BARHL1: variants seen among roughly 807,000 people sequenced by gnomAD.
The protein encoded by BARHL1 is BarH like homeobox 1, also known as barH-like 1 homeobox protein.
A neutral mutation model predicts 20.1 loss-of-function variants in BARHL1; 2 were observed. The ratio of observed to expected loss-of-function variants is 0.10; its 90% CI spans 0.04 to 0.31. BARHL1 has a LOEUF of 0.31. BARHL1 is among the 10% of genes least tolerant of loss of function. The pLI, the probability that BARHL1 is intolerant of heterozygous loss-of-function variation, is 1.00. For synonymous variants in BARHL1, 213 were observed against 209.9 expected, an observed-to-expected ratio of 1.01 and a Z score of -0.13; for missense variants, 397 against 454.0, an observed-to-expected ratio of 0.87 and a Z score of 1.14.
Position 132,583,024 on chromosome 9 carries a change from C to T in BARHL1, c.227C>T (p.Ser76Phe). 6.2e-7 allele frequency: 1 copy of T among 1,613,820 alleles called. No individual in the cohort carries two copies. Among genetic ancestry groups the T allele is most frequent in the Non-Finnish European group, 8.5e-7 (1 of 1,179,946 alleles). Residue 76 changes from serine (S) to phenylalanine (F), a missense_variant, in exon 1 of 3, where the codon TCC becomes TTC. Physicochemically the swap from Ser to Phe is radical, Grantham distance 155 (BLOSUM62 -2). Around this residue, in one of 3 missense-constraint regions of BARHL1, gnomAD observed 272 missense variants for 298.7 expected, o/e 0.91. Transcript: ENST00000263610. ...GGGGCATCCGGCCCAGGTTTGGACT[C>T]CCACCTGCAGCCCGGGCAGCTCTCA... ...PGGASGPGLD[S>F]HLQPGQLSAP...
At position 132,583,061 on chromosome 9, in the gene BARHL1, G is replaced by C; in HGVS notation, c.264G>C (p.Gln88His). 1 of 1,613,910 alleles carries C rather than the reference G, an allele frequency of 6.2e-7. No individual in the cohort carries two copies. The highest frequency in any genetic ancestry group is 1.7e-5 in the Admixed American group (1 of 60,032). The change falls in exon 1 of 3, where the codon CAG becomes CAC. Residue 88 changes from glutamine (Q) to histidine (H), a missense_variant. Coordinates refer to ENST00000263610, the MANE Select transcript of BARHL1 (RefSeq NM_020064.4). ...CCGGGCAGCTCTCAGCCCCGGCCCA[G>C]TCGCGCACCGTCACCTCCTCCTTTC... is the stretch of plus-strand genomic sequence containing the variant. Reference protein sequence around the residue: ...LQPGQLSAPAQSRTVTSSFLI... With the variant: ...LQPGQLSAPAHSRTVTSSFLI...
At chr9:132,586,979 A>C (rs1326485982) in intron 1 of BARHL1, among the ~76,000 whole-genome samples, 1 of 152,240 alleles carries the variant, frequency 6.6e-6, no homozygotes, top group Admixed American at 6.5e-5. Flanking sequence ...CTACGCTGGC[A>C]GGCTGGGTCC....
chr9:132,590,106 C>T lies in BARHL1; in HGVS notation c.*584C>T, dbSNP rs1194837612. ...TTAGTGAGTCTGTGGCCTGTGCCCT[C>T]CCCACTCCCAGGCGGGGCAGGAAGG... On this transcript the variant is annotated 3_prime_UTR_variant, in exon 3 of 3. Transcript: ENST00000263610. 1 of 152,962 alleles carries T rather than the reference C, an allele frequency of 6.5e-6. No homozygotes were observed. Among genetic ancestry groups the T allele is most frequent in the African/African-American group, 2.4e-5 (1 of 41,474 alleles). 9.5% of individuals were successfully genotyped at this position (152,962 alleles called of 1,614,324 possible). A position where few individuals can be genotyped will look rare whatever the true frequency, so the allele number is the denominator to read the frequency against.
In BARHL1 at chr9:132,582,981, G is replaced by A; in HGVS notation, c.184G>A (p.Gly62Arg). 2 of 1,613,844 alleles carry A rather than the reference G, an allele frequency of 1.2e-6. No individual in the cohort carries two copies. Among genetic ancestry groups the A allele is most frequent in the South Asian group, 2.2e-5 (2 of 91,082 alleles). The part of the protein sequence containing the change: ...ASPGRDCLET[G>R]TPRPGGASGP... Reference sequence around the variant, plus strand: ...TCCAGGAAGGGACTGTTTGGAGACGGGGACCCCACGGCCTGGCGGGGCATC... The same window carrying A: ...TCCAGGAAGGGACTGTTTGGAGACGAGGACCCCACGGCCTGGCGGGGCATC... Residue 62 changes from glycine (G) to arginine (R), a missense_variant, in exon 1 of 3, where the codon GGG becomes AGG. This residue lies in a region of BARHL1 where 272 missense variants were observed against 298.7 expected (regional missense o/e 0.91). Coordinates refer to ENST00000263610, the MANE Select transcript of BARHL1 (RefSeq NM_020064.4).
At position 132,589,255 on chromosome 9, in the gene BARHL1, C is replaced by T. The variant is rs111570450; in HGVS notation, c.717C>T (p.Val239=). Residue 239 remains valine (V), a synonymous_variant, in exon 3 of 3, where the codon GTC becomes GTT. Coordinates refer to ENST00000263610, the MANE Select transcript of BARHL1 (RefSeq NM_020064.4). ...CTAAATGGAAGCGACAGACGGCCGT[C>T]GGGTTGGAGCTGCTGGCGGAGGCAG... ...RRTKWKRQTA[V]GLELLAEAGN... The T allele has an allele frequency of 6.2e-7, 1 of 1,612,084 alleles. No homozygotes were observed. Among genetic ancestry groups the T allele is most frequent in the African/African-American group, 1.3e-5 (1 of 74,894 alleles).
intron 2 of BARHL1, among the ~76,000 whole-genome samples, chr9:132,588,267 C>T (rs779205938): frequency 5.3e-5 from 8 of 152,202 alleles, no homozygotes; most frequent in Non-Finnish European, 8.8e-5. Flanking sequence ...ATCAATACAA[C>T]TTGCAGTCAC....
At position 132,583,186 on chromosome 9, in the gene BARHL1, C is replaced by A. The variant is rs767294868; in HGVS notation, c.389C>A (p.Ala130Glu). 3 of 1,613,384 alleles carry A rather than the reference C, an allele frequency of 1.9e-6. No homozygotes were observed. Among genetic ancestry groups the A allele is most frequent in the Non-Finnish European group, 2.5e-6 (3 of 1,179,908 alleles). ...GCCCCTGAGCCTGGGGGCCGCCTTG[C>A]GGCCAAGGCCGCGGAGGACTTTAGA... The part of the protein sequence containing the change: ...PAAPEPGGRL[A>E]AKAAEDFRDK... The change falls in exon 1 of 3, where the codon GCG (alanine) becomes GAG (glutamate). Residue 130 changes from alanine to glutamate, a missense_variant. Around this residue, in one of 3 missense-constraint regions of BARHL1, gnomAD observed 272 missense variants for 298.7 expected, o/e 0.91. Coordinates refer to ENST00000263610, the MANE Select transcript of BARHL1 (RefSeq NM_020064.4).
In BARHL1 at chr9:132,582,858, G is replaced by T. The variant is rs1388115023; in HGVS notation, c.61G>T (p.Ala21Ser). The change falls in exon 1 of 3, where the codon GCC becomes TCC. Residue 21 changes from alanine to serine, a missense_variant. Physicochemically the swap from Ala to Ser is moderately conservative, Grantham distance 99. Coordinates refer to ENST00000263610, the MANE Select transcript of BARHL1 (RefSeq NM_020064.4). ...TCTCTCCCACCGCGCGGGCAGCCCC[G>T]CCCTTCCCAAGGGGGACCCCTTGCT... ...SILSHRAGSP[A>S]LPKGDPLLGD... 6.2e-7 allele frequency: 1 copy of T among 1,610,686 alleles called. No homozygotes were observed. Among genetic ancestry groups the T allele is most frequent in the African/African-American group, 1.3e-5 (1 of 74,834 alleles).
chr9:132,589,683 C>A lies in BARHL1; in HGVS notation c.*161C>A. 1.0e-6 allele frequency: 1 copy of A among 991,660 alleles called. No homozygotes were observed. Among genetic ancestry groups the A allele is most frequent in the Non-Finnish European group, 1.3e-6 (1 of 777,182 alleles). The allele number at this position is 991,660 out of a possible 1,614,324, so 61.4% of individuals were successfully genotyped here. On this transcript the variant is annotated 3_prime_UTR_variant, in exon 3 of 3. Transcript: ENST00000263610. The stretch of plus-strand genomic sequence containing the variant: ...CCCCCCGAAGGGCCAAATGCCAAGT[C>A]CACTGAGGCCCGGACCCCGGACTGC...
At chr9:132,583,675 GAAA>G (rs1306583197) in intron 1 of BARHL1, among the ~76,000 whole-genome samples, 2 of 152,344 alleles carry the variant, frequency 1.3e-5, no homozygotes, top group East Asian at 3.9e-4. Context: ...AAATACAGCA[GAAA>G]AATTTCAGCT....
rs773508741 is a variant in BARHL1, at chr9:132,582,885, G to A, written c.88G>A (p.Gly30Arg). 1.9e-6 allele frequency: 3 copies of A among 1,613,150 alleles called. No individual in the cohort carries two copies. Among genetic ancestry groups the A allele is most frequent in the Non-Finnish European group, 2.5e-6 (3 of 1,179,892 alleles). ...PALPKGDPLLGDCRSPLELSP... is the reference protein window; with the variant it reads ...PALPKGDPLLRDCRSPLELSP... ...CCTTCCCAAGGGGGACCCCTTGCTC[G>A]GGGACTGCCGTTCGCCCCTGGAGCT... The change falls in exon 1 of 3, where the codon GGG becomes AGG. Residue 30 changes from glycine to arginine, a missense_variant. Around this residue, in one of 3 missense-constraint regions of BARHL1, gnomAD observed 272 missense variants for 298.7 expected, o/e 0.91. Coordinates refer to ENST00000263610, the MANE Select transcript of BARHL1 (RefSeq NM_020064.4).
rs1419249113 is a variant in BARHL1, at chr9:132,583,163, C to T, written c.366C>T (p.Ala122=). The T allele has an allele frequency of 1.2e-6, 2 of 1,613,718 alleles. No individual in the cohort carries two copies. Among genetic ancestry groups the T allele is most frequent in the South Asian group, 1.1e-5 (1 of 91,078 alleles). ...ACTCTAGCAGCGGGCAGCCGGCAGC[C>T]CCTGAGCCTGGGGGCCGCCTTGCGG... The part of the protein sequence containing the change: ...APYSSSGQPA[A]PEPGGRLAAK... The change falls in exon 1 of 3, where the codon GCC becomes GCT. Residue 122 remains alanine (A), a synonymous_variant. Transcript: ENST00000263610.
At chr9:132,585,397 T>G (rs1300466214) in intron 1 of BARHL1, among the ~76,000 whole-genome samples, 1 of 152,192 alleles carries the variant, frequency 6.6e-6, no homozygotes, top group Non-Finnish European at 1.5e-5. Context: ...AGTCATTTCC[T>G]CCAAGGAGGG....
chr9:132,589,628 C>A lies in BARHL1; in HGVS notation c.*106C>A. 8.2e-7 allele frequency: 1 copy of A among 1,221,360 alleles called. No individual in the cohort carries two copies. The highest frequency in any genetic ancestry group is 1.0e-6 in the Non-Finnish European group (1 of 982,650). 75.7% of individuals were successfully genotyped at this position (1,221,360 alleles called of 1,614,324 possible). ...CGCCCTTTCCCGGGAGGGGGCCCTGCCCGGCCCTCCCTGGCGCCCCAGCCC... is the reference window on the plus strand; with the variant it reads ...CGCCCTTTCCCGGGAGGGGGCCCTGACCGGCCCTCCCTGGCGCCCCAGCCC... On this transcript the variant is annotated 3_prime_UTR_variant, in exon 3 of 3. Coordinates refer to ENST00000263610, the MANE Select transcript of BARHL1 (RefSeq NM_020064.4).
intron 1 of BARHL1, among the ~76,000 whole-genome samples, chr9:132,583,900 C>T (rs952782146): frequency 1.3e-5 from 2 of 152,202 alleles, no homozygotes; most frequent in African/African-American, 4.8e-5. Context: ...TGCACCCACC[C>T]CCCAATGGCT....
intron 2 of BARHL1, among the ~76,000 whole-genome samples, chr9:132,588,636 G>T (rs551106551): frequency 4.6e-5 from 7 of 151,234 alleles, no homozygotes; most frequent in Non-Finnish European, 8.9e-5. Context: ...GGCTCGCAGT[G>T]CGAGCCCTGG....
chr9:132,589,506 C>G lies in BARHL1; in HGVS notation c.968C>G (p.Ala323Gly). 7.2e-7 allele frequency: 1 copy of G among 1,389,008 alleles called. No individual in the cohort carries two copies. The highest frequency in any genetic ancestry group is 9.3e-7 in the Non-Finnish European group (1 of 1,075,134). The allele number at this position is 1,389,008 out of a possible 1,614,324, so 86.0% of individuals were successfully genotyped here. The change falls in exon 3 of 3, where the codon GCC becomes GGC. Residue 323 changes from alanine (A) to glycine (G), a missense_variant. By Grantham distance (60) the Ala-to-Gly change is moderately conservative. Around this residue, in one of 3 missense-constraint regions of BARHL1, gnomAD observed 121 missense variants for 135.9 expected, o/e 0.89. Coordinates refer to ENST00000263610, the MANE Select transcript of BARHL1 (RefSeq NM_020064.4). ...CCCCTGGCCGGCGTCCTCCCACGCG[C>G]CGCGCAGCCTCGGTGAGGCGCCCGT... ...LPPLAGVLPR[A>G]AQPR is the part of the protein sequence containing the mutation.
Position 132,582,926 on chromosome 9 carries a change from G to A in BARHL1, c.129G>A (p.Glu43=). 1.2e-6 allele frequency: 2 copies of A among 1,613,534 alleles called. No individual in the cohort carries two copies. Among genetic ancestry groups the A allele is most frequent in the South Asian group, 2.2e-5 (2 of 91,084 alleles). Residue 43 remains glutamate, a synonymous_variant, in exon 1 of 3, where the codon GAG becomes GAA. Coordinates refer to ENST00000263610, the MANE Select transcript of BARHL1 (RefSeq NM_020064.4). ...CCCTGGAGCTGAGTCCACGCTCAGA[G>A]AGCAGCAGCGACTGCTCTTCGCCAG... ...RSPLELSPRS[E]SSSDCSSPAS... is the part of the protein sequence containing the mutation.
intron 1 of BARHL1, among the ~76,000 whole-genome samples, chr9:132,584,776 G>A (rs1382414501): frequency 6.6e-6 from 1 of 152,198 alleles, no homozygotes; most frequent in Non-Finnish European, 1.5e-5. Context: ...CCCCAGGCCC[G>A]GGCCCAGTGG....
Sources: allele counts gnomAD v4.1 joint callset (sites outside exome capture counted in the v4.1 genomes callset), GRCh38; gene constraint gnomAD v4.1.1; regional missense constraint gnomAD v4.1.1; transcripts MANE v1.5; gene names NCBI Gene and HGNC (gene_info 2026-07-23, HGNC 2026-07-21).